KMT2C: variants seen among roughly 807,000 people sequenced by gnomAD.
KMT2C encodes the protein lysine methyltransferase 2C, also known as histone-lysine N-methyltransferase 2C.
In KMT2C, 88 loss-of-function variants were observed where a neutral mutation model predicts 507.9. That is an observed-to-expected ratio of 0.17 (90% CI 0.15 to 0.21). The LOEUF is 0.21. Among genes scored for constraint, KMT2C ranks in the 10% least tolerant of loss-of-function variants. The pLI is 1.00. For missense variants in KMT2C, 4,954 were observed against 5,957.8 expected, an observed-to-expected ratio of 0.83 and a Z score of 5.55; for synonymous variants, 2,049 against 2,080.8, an observed-to-expected ratio of 0.98 and a Z score of 0.42.
chr7:152,187,582 ATATT>A, intron 32 of KMT2C, 106 bp from the exon 33 acceptor site: 4 of 1,419,330 alleles, frequency 2.8e-6, no homozygotes, highest in Non-Finnish European at 3.9e-6. Flanking sequence ...TAAAAGTAAC[ATATT>A]TATAGCAAAA....
At chr7:152,165,655 A>C (rs2092692920) in intron 42 of KMT2C, among the ~76,000 whole-genome samples, 1 of 152,184 alleles carries the variant, frequency 6.6e-6, no homozygotes, top group South Asian at 2.1e-4. Flanking sequence ...ATAAGCAAAC[A>C]TGTACAGTGG....
chr7:152,179,266 GA>G (rs1587974979), intron 37 of KMT2C, among the ~76,000 whole-genome samples: 1 of 152,236 alleles, frequency 6.6e-6, no homozygotes, highest in East Asian at 1.9e-4. Flanking sequence ...AAAGTATTGG[GA>G]TTACAGGCCT....
In KMT2C at chr7:152,162,168, G is replaced by C. The variant is rs2129103587; in HGVS notation, c.11409C>G (p.Asp3803Glu). The C allele has an allele frequency of 6.2e-7, 1 of 1,608,990 alleles. No homozygotes were observed. The highest frequency in any genetic ancestry group is 8.5e-7 in the Non-Finnish European group (1 of 1,178,048). The change falls in exon 43 of 59, where the codon GAC becomes GAG. Residue 3803 changes from aspartate (D) to glutamate (E), a missense_variant. Physicochemically the swap from Asp to Glu is conservative, Grantham distance 45. Transcript: ENST00000262189. ...CAACTAGTTTATTATCCTTTGTACA[G>C]TCATCTTCTGAACAAATACTGCCCT... ...KPEGSICSED[D>E]CTKDNKLVEK... is the part of the protein sequence containing the mutation.
chr7:152,245,494 T>TGAAA (rs2095457672), intron 14 of KMT2C, among the ~76,000 whole-genome samples: 1 of 149,030 alleles, frequency 6.7e-6, no homozygotes, highest in East Asian at 2.0e-4. Flanking sequence ...CCTGTTTTTG[T>TGAAA]TTTTTTAAAG....
chr7:152,184,921 A>C (rs2093575684), intron 34 of KMT2C, among the ~76,000 whole-genome samples: 1 of 151,976 alleles, frequency 6.6e-6, no homozygotes, highest in African/African-American at 2.4e-5. Context: ...TACCCAGCTA[A>C]TTTTTTCATT....
Position 152,365,504 on chromosome 7 carries a change from T to TCAAA in KMT2C, c.162-6833_162-6830dup, listed in dbSNP as rs112555469. Among the ~76,000 whole-genome samples the TCAAA allele has an allele frequency of 1.6e-3, 238 of 152,204 alleles. 1 individual carries two copies. The highest frequency in any genetic ancestry group is 5.2e-3 in the South Asian group (25 of 4,820). ...CTGGGCGGCAGAGTGAGACCCTGTCTCAAACAAACAAACAAACAAACAAAC... is the reference window on the plus strand; with the variant it reads ...CTGGGCGGCAGAGTGAGACCCTGTCTCAAACAAACAAACAAACAAACAAACAAAC... On this transcript the variant is annotated intron_variant, in intron 1 of 58. Transcript: ENST00000262189.
chr7:152,180,876 A>C lies in KMT2C; in HGVS notation c.6984T>G (p.Pro2328=), dbSNP rs2129119283. ...ATGCACAGAAGCTCCCCTCTGATCC[A>C]GGCCTTGGCTGATCAGCAACATCAT... The part of the protein sequence containing the change: ...TAHDVADQPR[P]GSEGSFCASS... Residue 2328 remains proline (P), a synonymous_variant, in exon 36 of 59, where the codon CCT becomes CCG. Coordinates refer to ENST00000262189, the MANE Select transcript of KMT2C (RefSeq NM_170606.3). The C allele has an allele frequency of 6.2e-7, 1 of 1,614,192 alleles. No homozygotes were observed. The highest frequency in any genetic ancestry group is 8.5e-7 in the Non-Finnish European group (1 of 1,180,024).
intron 1 of KMT2C, among the ~76,000 whole-genome samples, chr7:152,407,041 T>A (rs1251941246): frequency 1.3e-5 from 2 of 152,006 alleles, no homozygotes; most frequent in Admixed American, 6.6e-5. Context: ...ATGATTTACT[T>A]CTCCAAAGTA....
chr7:152,341,651 A>T (rs2129220009), intron 2 of KMT2C, among the ~76,000 whole-genome samples: 1 of 152,320 alleles, frequency 6.6e-6, no homozygotes, highest in South Asian at 2.1e-4. Context: ...CTACCACCAC[A>T]GTATATAATT....
At chr7:152,410,329 G>C (rs1042421421) in intron 1 of KMT2C, among the ~76,000 whole-genome samples, 5 of 151,868 alleles carry the variant, frequency 3.3e-5, no homozygotes, top group African/African-American at 1.2e-4. Flanking sequence ...GAAGAATGGC[G>C]TGAACCCAGG....
At chr7:152,310,219 C>A in intron 5 of KMT2C, 144 bp from the exon 6 acceptor site, 1 of 599,908 alleles carries the variant, frequency 1.7e-6, no homozygotes, top group Non-Finnish European at 2.9e-6. Context: ...TAAAGTGGCC[C>A]TTCTAAAAAT....
chr7:152,141,797 T>C (rs377167923), intron 55 of KMT2C, among the ~76,000 whole-genome samples: 95 of 151,680 alleles, frequency 6.3e-4, no homozygotes, highest in African/African-American at 2.2e-3. Context: ...GGCAGGTGAA[T>C]TGCTTGAGTT....
At chr7:152,234,600 C>G (rs1588454285) in intron 16 of KMT2C, among the ~76,000 whole-genome samples, 2 of 152,074 alleles carry the variant, frequency 1.3e-5, no homozygotes, top group East Asian at 3.9e-4. Flanking sequence ...GAAGACATTA[C>G]AAGAATGTAA....
chr7:152,346,791 G>A (rs374506544), intron 2 of KMT2C, among the ~76,000 whole-genome samples: 27 of 152,220 alleles, frequency 1.8e-4, no homozygotes, highest in African/African-American at 5.8e-4. Flanking sequence ...ATTATATACC[G>A]TATTCTTACA....
chr7:152,224,356 G>C, intron 19 of KMT2C, 79 bp downstream of exon 19: 1 of 1,426,218 alleles, frequency 7.0e-7, no homozygotes, highest in Non-Finnish European at 9.7e-7. Context: ...AAATAGGTGT[G>C]GCTAATTTTT....
rs898500425 is a variant in KMT2C at position 152,338,635 on chromosome 7, T to C, written c.251-7896A>G. Among the ~76,000 whole-genome samples the C allele has an allele frequency of 2.0e-5, 3 of 152,134 alleles. No homozygotes were observed. The East Asian group carries it at 5.8e-4, about 29-fold the overall frequency. The stretch of plus-strand genomic sequence containing the variant: ...TAACATATTTTCTTCATTCAAAAGA[T>C]AAGGAAACTAAAATCTGAAAGTTAA... On this transcript the variant is annotated intron_variant, in intron 2 of 58. Coordinates refer to ENST00000262189, the MANE Select transcript of KMT2C (RefSeq NM_170606.3).
chr7:152,139,857 A>C (rs1323940399), intron 55 of KMT2C, 66 bp from the exon 56 acceptor site: 2 of 1,174,526 alleles, frequency 1.7e-6, no homozygotes, highest in Non-Finnish European at 2.5e-6. Flanking sequence ...TTTTTCATAC[A>C]AAGGTTTCAC....
intron 16 of KMT2C, among the ~76,000 whole-genome samples, chr7:152,232,619 T>C (rs182145149): frequency 1.7e-4 from 26 of 152,160 alleles, no homozygotes; most frequent in Non-Finnish European, 3.5e-4. Flanking sequence ...ACTGAGGAGT[T>C]AGTAATGGTA....
At chr7:152,297,960 A>G (rs1205130063) in intron 6 of KMT2C, among the ~76,000 whole-genome samples, 1 of 152,226 alleles carries the variant, frequency 6.6e-6, no homozygotes, top group Non-Finnish European at 1.5e-5. Flanking sequence ...ATGGGAGATA[A>G]ACAAGAAAAG....
Sources: allele counts gnomAD v4.1 joint callset (sites outside exome capture counted in the v4.1 genomes callset), GRCh38; gene constraint gnomAD v4.1.1; transcripts MANE v1.5; gene names NCBI Gene and HGNC (gene_info 2026-07-23, HGNC 2026-07-21).